PRR16: variants seen among roughly 807,000 people sequenced by gnomAD.
The protein encoded by PRR16 is proline rich 16.
Under a neutral mutation model 18.2 loss-of-function variants are expected in PRR16, and 6 were observed. The observed-to-expected ratio is 0.33, with a 90% CI of 0.18 to 0.65. The LOEUF (loss-of-function observed/expected upper bound fraction) is 0.65, where lower values mean the gene tolerates loss of function less well. Among genes scored for constraint, PRR16 ranks in the 30% least tolerant of loss-of-function variants. The pLI is 0.74. For missense variants in PRR16, 412 were observed against 376.6 expected (o/e 1.09, Z -0.78); for synonymous variants, 151 against 147.8 (o/e 1.02, Z -0.16).
chr5:120,637,335 A>AC (rs1561586713), intron 1 of PRR16, among the ~76,000 whole-genome samples: 2 of 150,586 alleles, frequency 1.3e-5, no homozygotes, highest in South Asian at 2.1e-4. Flanking sequence ...AAAAAAAAAA[A>AC]AAAAAAAACT....
intron 1 of PRR16, among the ~76,000 whole-genome samples, chr5:120,659,106 A>G (rs184877719): frequency 6.6e-6 from 1 of 152,106 alleles, no homozygotes; most frequent in African/African-American, 2.4e-5. Flanking sequence ...TAAAATGCTC[A>G]AAGGGTTCAT....
chr5:120,766,114 A>G, the PRR16 span, among the ~76,000 whole-genome samples: 2 of 152,032 alleles, frequency 1.3e-5, no homozygotes, highest in African/African-American at 4.8e-5. Flanking sequence ...TCTAGGTATT[A>G]TACACAAAAA....
intron 1 of PRR16, among the ~76,000 whole-genome samples, chr5:120,612,809 T>C (rs1754377963): frequency 6.6e-6 from 1 of 152,202 alleles, no homozygotes; most frequent in Non-Finnish European, 1.5e-5. Context: ...ATTCTTTTTA[T>C]TGCATTATTT....
At chr5:120,583,531 G>T (rs549789064) in intron 1 of PRR16, among the ~76,000 whole-genome samples, 31 of 152,274 alleles carry the variant, frequency 2.0e-4, no homozygotes, top group African/African-American at 7.2e-4. Flanking sequence ...ATTGGTATTT[G>T]TACTGAGAAA....
At chr5:120,758,537 G>T in the PRR16 span, among the ~76,000 whole-genome samples, 1 of 152,100 alleles carries the variant, frequency 6.6e-6, no homozygotes. Flanking sequence ...ATATTGAAGG[G>T]GGGATCTGCT....
chr5:120,561,052 T>C (rs1000147167), intron 1 of PRR16, among the ~76,000 whole-genome samples: 1 of 152,050 alleles, frequency 6.6e-6, no homozygotes, highest in Non-Finnish European at 1.5e-5. Flanking sequence ...GTAAATTTTA[T>C]CTTTTCAAGA....
intron 1 of PRR16, among the ~76,000 whole-genome samples, chr5:120,678,769 T>A (rs1455253741): frequency 6.6e-6 from 1 of 152,132 alleles, no homozygotes; most frequent in Non-Finnish European, 1.5e-5. Context: ...CAATTTGGAT[T>A]CCTTTTATTT....
chr5:120,701,385 G>A, the PRR16 span, among the ~76,000 whole-genome samples: 1 of 152,100 alleles, frequency 6.6e-6, no homozygotes, highest in Non-Finnish European at 1.5e-5. Context: ...GTCATGAACT[G>A]GGCTGGATTT....
intron 1 of PRR16, among the ~76,000 whole-genome samples, chr5:120,623,806 A>C (rs1371659306): frequency 6.6e-6 from 1 of 152,094 alleles, no homozygotes; most frequent in Non-Finnish European, 1.5e-5. Context: ...AAAATTTGAT[A>C]ACTACTGAGT....
chr5:120,681,906 A>C (rs765378980), intron 1 of PRR16, among the ~76,000 whole-genome samples: 2 of 152,126 alleles, frequency 1.3e-5, no homozygotes, highest in African/African-American at 2.4e-5. Flanking sequence ...TGGTTTCACT[A>C]TGGTATGTCT....
downstream of PRR16, among the ~76,000 whole-genome samples, chr5:120,687,660 A>G (rs2150158052): frequency 6.6e-6 from 1 of 152,270 alleles, no homozygotes; most frequent in South Asian, 2.1e-4. Context: ...ACCCACATTT[A>G]TAGGAGAATT....
At chr5:120,634,419 G>T (rs779984371) in intron 1 of PRR16, among the ~76,000 whole-genome samples, 8 of 152,274 alleles carry the variant, frequency 5.3e-5, no homozygotes, top group Admixed American at 5.2e-4. Context: ...CAAGGCAGGG[G>T]GATCAATTGA....
intron 1 of PRR16, among the ~76,000 whole-genome samples, chr5:120,598,713 A>G (rs916971788): frequency 6.6e-6 from 1 of 151,900 alleles, no homozygotes; most frequent in Non-Finnish European, 1.5e-5. Context: ...TAGCTGACTT[A>G]GGATAATGGC....
At chr5:120,517,897 C>T (rs11957506) in intron 1 of PRR16, among the ~76,000 whole-genome samples, 22,613 of 152,152 alleles carry the variant, frequency 0.15, 1,791 homozygotes, top group Non-Finnish European at 0.18. Context: ...ATGAGATCTA[C>T]GAGGACTTCC....
chr5:120,492,741 C>T (rs116301608), intron 1 of PRR16, among the ~76,000 whole-genome samples: 1,792 of 152,068 alleles, frequency 0.012, 37 homozygotes, highest in African/African-American at 0.042. Flanking sequence ...CCCCACAGTC[C>T]GTTATATCAC....
the PRR16 span, among the ~76,000 whole-genome samples, chr5:120,782,535 C>G: frequency 6.6e-6 from 1 of 152,138 alleles, no homozygotes; most frequent in Non-Finnish European, 1.5e-5. Context: ...TACCTATTTT[C>G]CCTCCCATAT....
At chr5:120,485,922 A>C (rs1261799038) in intron 1 of PRR16, among the ~76,000 whole-genome samples, 1 of 152,128 alleles carries the variant, frequency 6.6e-6, no homozygotes, top group Non-Finnish European at 1.5e-5. Context: ...TCCTTGTGAT[A>C]GTTTGCTGAG....
Position 120,629,343 on chromosome 5 carries a change from A to T in PRR16, c.160-56611A>T, listed in dbSNP as rs536959842. On this transcript the variant is annotated intron_variant, in intron 1 of 1. Transcript: ENST00000407149. ...GAGTATATACTCAATAATATACTCA[A>T]TAATGAGATTGCTGGGTGAAATGGT... is the stretch of plus-strand genomic sequence containing the variant. Among the ~76,000 whole-genome samples, 32 of 152,246 alleles carry T rather than the reference A, an allele frequency of 2.1e-4. No individual in the cohort carries two copies. The South Asian group carries it at 3.9e-3, about 19-fold the overall frequency.
chr5:120,651,675 T>G (rs1300769070), intron 1 of PRR16, among the ~76,000 whole-genome samples: 1 of 152,142 alleles, frequency 6.6e-6, no homozygotes, highest in East Asian at 1.9e-4. Context: ...TCTGTTCTGT[T>G]CCATTGGTCT....
Sources: allele counts gnomAD v4.1 joint callset (sites outside exome capture counted in the v4.1 genomes callset), GRCh38; gene constraint gnomAD v4.1.1; transcripts MANE v1.5; gene names NCBI Gene and HGNC (gene_info 2026-07-23, HGNC 2026-07-21).